ARGLU1: variants seen among roughly 807,000 people sequenced by gnomAD.
ARGLU1 encodes arginine and glutamate-rich protein 1.
In ARGLU1, 9 loss-of-function variants were observed where a neutral mutation model predicts 37.6. That is an observed-to-expected ratio of 0.24 (90% CI 0.14 to 0.42). ARGLU1 has a LOEUF of 0.42. Among genes scored for constraint, ARGLU1 ranks in the 10% least tolerant of loss-of-function variants. The pLI is 1.00. For missense variants in ARGLU1, 211 were observed against 359.2 expected, an observed-to-expected ratio of 0.59 and a Z score of 3.34; for synonymous variants, 166 against 138.5, an observed-to-expected ratio of 1.20 and a Z score of -1.39.
At chr13:106,545,508 T>C (rs192813219) in intron 3 of ARGLU1, among the ~76,000 whole-genome samples, 1 of 152,338 alleles carries the variant, frequency 6.6e-6, no homozygotes, top group East Asian at 1.9e-4. Context: ...ACGTTCTCTC[T>C]TCTGATACAT....
Position 106,544,018 on chromosome 13 carries a change from A to G in ARGLU1, c.800T>C (p.Phe267Ser). 6.3e-7 allele frequency: 1 copy of G among 1,587,760 alleles called. No homozygotes were observed. Among genetic ancestry groups the G allele is most frequent in the Non-Finnish European group, 8.5e-7 (1 of 1,171,818 alleles). The part of the protein sequence containing the change: ...GKGKSRPKLS[F>S]SLKTQD The stretch of plus-strand genomic sequence containing the variant: ...AATTTAATCCTGGGTTTTTAATGAG[A>G]AGGACAGTTTTGGCCTGGACTTCCC... The change falls in exon 4 of 4, where the codon TTC becomes TCC. Residue 267 changes from phenylalanine to serine, a missense_variant. Transcript: ENST00000400198.
intron 1 of ARGLU1, among the ~76,000 whole-genome samples, chr13:106,562,241 G>GA (rs1241181965): frequency 3.3e-5 from 5 of 152,096 alleles, no homozygotes; most frequent in African/African-American, 1.2e-4. Context: ...TCAGTAATCA[G>GA]AAAAAAATTT....
chr13:106,554,130 C>G (rs1289671435), intron 3 of ARGLU1, among the ~76,000 whole-genome samples: 1 of 152,210 alleles, frequency 6.6e-6, no homozygotes, highest in Non-Finnish European at 1.5e-5. Context: ...CATTATCTTA[C>G]ATTACCTATA....
chr13:106,545,309 A>G (rs1880362989), intron 3 of ARGLU1, among the ~76,000 whole-genome samples: 1 of 152,190 alleles, frequency 6.6e-6, no homozygotes, highest in South Asian at 2.1e-4. Context: ...TCTATCTGAC[A>G]GTGATCTTAA....
chr13:106,548,276 T>A (rs1056308405), intron 3 of ARGLU1, among the ~76,000 whole-genome samples: 1 of 152,166 alleles, frequency 6.6e-6, no homozygotes, highest in African/African-American at 2.4e-5. Context: ...CCACCACTTG[T>A]AAGTGTGGTA....
chr13:106,544,793 C>T (rs1326462577), intron 3 of ARGLU1, among the ~76,000 whole-genome samples: 1 of 152,094 alleles, frequency 6.6e-6, no homozygotes, highest in Non-Finnish European at 1.5e-5. Context: ...ATTATAGTAT[C>T]AGTAGACAAC....
intron 1 of ARGLU1, among the ~76,000 whole-genome samples, chr13:106,565,228 A>G (rs1057088478): frequency 1.3e-5 from 2 of 152,088 alleles, no homozygotes; most frequent in Non-Finnish European, 2.9e-5. Context: ...CTCTCCAGTC[A>G]CTCCATGACT....
At chr13:106,553,691 A>G (rs1880589632) in intron 3 of ARGLU1, among the ~76,000 whole-genome samples, 1 of 152,196 alleles carries the variant, frequency 6.6e-6, no homozygotes, top group African/African-American at 2.4e-5. Context: ...ATATTTTCAG[A>G]AATGTATTGT....
intron 3 of ARGLU1, among the ~76,000 whole-genome samples, chr13:106,553,636 A>C (rs1880588724): frequency 1.3e-5 from 2 of 152,200 alleles, no homozygotes; most frequent in Admixed American, 1.3e-4. Context: ...CTATTAAGGA[A>C]AAAGAAAAGA....
Position 106,549,890 on chromosome 13 carries a change from T to C in ARGLU1, c.658-5730A>G, listed in dbSNP as rs573955086. On this transcript the variant is annotated intron_variant, in intron 3 of 3. Coordinates refer to ENST00000400198, the MANE Select transcript of ARGLU1 (RefSeq NM_018011.4). ...TACAAAAAGCACTGCCTGAGCACTCTGGAGAGACTGCTGTATAATTTTGCC... is the reference window on the plus strand; with the variant it reads ...TACAAAAAGCACTGCCTGAGCACTCCGGAGAGACTGCTGTATAATTTTGCC... 6.0e-4 allele frequency among the ~76,000 whole-genome samples: 92 copies of C among 152,350 alleles called. 1 individual carries two copies. In the South Asian group the frequency reaches 9.1e-3, roughly 15 times the overall value.
intron 3 of ARGLU1, among the ~76,000 whole-genome samples, chr13:106,555,128 C>A (rs745763579): frequency 6.6e-6 from 1 of 151,900 alleles, no homozygotes. Context: ...GAAGCCAAGG[C>A]GGGTGGATCA....
chr13:106,561,528 A>C (rs903191795), intron 1 of ARGLU1, among the ~76,000 whole-genome samples: 1 of 152,150 alleles, frequency 6.6e-6, no homozygotes. Context: ...TTAATATTTA[A>C]AATTTCAAAA....
At chr13:106,559,277 G>T in intron 2 of ARGLU1, 155 bp downstream of exon 2, 1 of 1,536,108 alleles carries the variant, frequency 6.5e-7, no homozygotes. Flanking sequence ...TTCTGAATAG[G>T]CTAAAAAATT....
chr13:106,554,360 G>C (rs1216242454), intron 3 of ARGLU1, among the ~76,000 whole-genome samples: 1 of 151,986 alleles, frequency 6.6e-6, no homozygotes, highest in African/African-American at 2.4e-5. Context: ...GCTTTATATG[G>C]TATCAAGTAC....
At chr13:106,558,936 G>GA in intron 2 of ARGLU1, 5 of 985,180 alleles carry the variant, frequency 5.1e-6, no homozygotes, top group Non-Finnish European at 6.0e-6. Flanking sequence ...ATAAAAGAAG[G>GA]AAAAAAAGAA....
rs575082882 is a variant in ARGLU1 at position 106,545,667 on chromosome 13, G to C, written c.658-1507C>G. Among the ~76,000 whole-genome samples the C allele has an allele frequency of 7.2e-5, 11 of 152,268 alleles. No homozygotes were observed. The East Asian group carries it at 1.9e-3, about 27-fold the overall frequency. On this transcript the variant is annotated intron_variant, in intron 3 of 3. Transcript: ENST00000400198. ...ACTCCGGTATGCAATAAAAAATGTT[G>C]AGATTTTATCTTAAGTAGCAAAAAG...
At chr13:106,555,859 A>T (rs1468553121) in intron 3 of ARGLU1, among the ~76,000 whole-genome samples, 1 of 152,140 alleles carries the variant, frequency 6.6e-6, no homozygotes, top group Non-Finnish European at 1.5e-5. Flanking sequence ...CAATCTCTTT[A>T]ACATGTCCTA....
At chr13:106,545,729 T>C (rs891051924) in intron 3 of ARGLU1, among the ~76,000 whole-genome samples, 1 of 152,138 alleles carries the variant, frequency 6.6e-6, no homozygotes, top group Admixed American at 6.5e-5. Flanking sequence ...CAATGTGACG[T>C]AGACTAAAAG....
chr13:106,550,385 C>T (rs1464963961), intron 3 of ARGLU1, among the ~76,000 whole-genome samples: 1 of 152,166 alleles, frequency 6.6e-6, no homozygotes, highest in Non-Finnish European at 1.5e-5. Flanking sequence ...GTCCCAAATA[C>T]ATTAACATAA....
Sources: allele counts gnomAD v4.1 joint callset (sites outside exome capture counted in the v4.1 genomes callset), GRCh38; gene constraint gnomAD v4.1.1; transcripts MANE v1.5; gene names NCBI Gene and HGNC (gene_info 2026-07-23, HGNC 2026-07-21).